The following B4GALT5 variants were observed in gnomAD, a reference collection of about 807,000 sequenced individuals.
B4GALT5 encodes the protein UDP-Gal:beta-GlcNAc beta-1,4-galactosyltransferase 5.
A neutral mutation model predicts 45.0 loss-of-function variants in B4GALT5; 11 were observed. The ratio of observed to expected loss-of-function variants is 0.24; its 90% CI spans 0.15 to 0.40. B4GALT5 has a LOEUF of 0.40. B4GALT5 is among the 10% of genes least tolerant of loss of function. The pLI is 1.00. For synonymous variants in B4GALT5, 185 were observed against 182.9 expected, an observed-to-expected ratio of 1.01 and a Z score of -0.09; for missense variants, 337 against 500.2, an observed-to-expected ratio of 0.67 and a Z score of 3.11.
intron 1 of B4GALT5, among the ~76,000 whole-genome samples, chr20:49,695,097 CTTT>C (rs763721449): frequency 9.6e-5 from 13 of 135,644 alleles, no homozygotes; most frequent in Admixed American, 2.2e-4. Flanking sequence ...TCATTAGGTT[CTTT>C]TTTTTTTTTT....
chr20:49,663,690 AATATATACATATAT>A (rs1347289152), intron 1 of B4GALT5, among the ~76,000 whole-genome samples: 23 of 96,934 alleles, frequency 2.4e-4, no homozygotes, highest in African/African-American at 8.0e-4. Context: ...AAAAAAAAAA[AATATATACATATAT>A]ATATATATAT....
chr20:49,688,224 C>T (rs1393773765), intron 1 of B4GALT5, among the ~76,000 whole-genome samples: 2 of 152,154 alleles, frequency 1.3e-5, no homozygotes, highest in Non-Finnish European at 2.9e-5. Flanking sequence ...TTTACAAAAT[C>T]CCAAAGATGC....
chr20:49,670,059 TCA>T (rs915481957), intron 1 of B4GALT5, among the ~76,000 whole-genome samples: 1 of 152,208 alleles, frequency 6.6e-6, no homozygotes, highest in Non-Finnish European at 1.5e-5. Flanking sequence ...CCAGCAGCTC[TCA>T]GTGCTGCTCT....
At position 49,642,556 on chromosome 20, in the gene B4GALT5, C is replaced by T; in HGVS notation, c.518G>A (p.Arg173His). 3 of 1,613,954 alleles carry T rather than the reference C, an allele frequency of 1.9e-6. No individual in the cohort carries two copies. The highest frequency in any genetic ancestry group is 2.5e-6 in the Non-Finnish European group (3 of 1,179,918). The part of the protein sequence containing the change: ...KVAILIPFRN[R>H]HEHLPVLFRH... Reference sequence around the variant, plus strand: ...GAACAGGACTGGGAGGTGCTCGTGGCGGTTCCGGAAGGGGATAAGGATCGC... The same window carrying T: ...GAACAGGACTGGGAGGTGCTCGTGGTGGTTCCGGAAGGGGATAAGGATCGC... The change falls in exon 5 of 9, where the codon CGC becomes CAC. Residue 173 changes from arginine (R) to histidine (H), a missense_variant. Arg to His is a conservative substitution (Grantham distance 29). This residue lies in a region of B4GALT5 where 163 missense variants were observed against 292.8 expected (regional missense o/e 0.56). Transcript: ENST00000371711.
chr20:49,657,926 T>C (rs943668860), intron 1 of B4GALT5, among the ~76,000 whole-genome samples: 4 of 152,144 alleles, frequency 2.6e-5, no homozygotes, highest in African/African-American at 9.7e-5. Flanking sequence ...GTGGGGTGGG[T>C]TAGCATAATG....
intron 1 of B4GALT5, among the ~76,000 whole-genome samples, chr20:49,705,699 C>T (rs543634407): frequency 6.6e-6 from 1 of 152,274 alleles, no homozygotes; most frequent in African/African-American, 2.4e-5. Context: ...TTCACACATG[C>T]TCAGAATCAT....
At chr20:49,671,884 T>C (rs2146344636) in intron 1 of B4GALT5, among the ~76,000 whole-genome samples, 1 of 152,286 alleles carries the variant, frequency 6.6e-6, no homozygotes, top group Middle Eastern at 3.4e-3. Context: ...TAAATTTTTG[T>C]ATGGGGTCGG....
chr20:49,646,908 T>G, intron 3 of B4GALT5, 57 bp downstream of exon 3: 1 of 1,037,272 alleles, frequency 9.6e-7, no homozygotes, highest in Non-Finnish European at 1.4e-6. Context: ...AGATCAAGAG[T>G]GCCCTCCCCT....
At chr20:49,701,801 G>T (rs531016487) in intron 1 of B4GALT5, among the ~76,000 whole-genome samples, 2 of 152,154 alleles carry the variant, frequency 1.3e-5, no homozygotes, top group Non-Finnish European at 2.9e-5. Flanking sequence ...CAGGCTAGGC[G>T]TGGTGGCTCA....
Position 49,637,391 on chromosome 20 carries a change from C to T in B4GALT5, c.969G>A (p.Lys323=). The T allele has an allele frequency of 6.2e-7, 1 of 1,614,132 alleles. No homozygotes were observed. Among genetic ancestry groups the T allele is most frequent in the Non-Finnish European group, 8.5e-7 (1 of 1,180,032 alleles). The change falls in exon 8 of 9, where the codon AAG becomes AAA. Residue 323 remains lysine, a synonymous_variant. Transcript: ENST00000371711. ...SVSRPEGDTG[K]YKSIPHHHRG... ...GATGGTGATGAGGAATGGACTTGTA[C>T]TTTCCTGTGTCACCCTCTGGCCGGC...
chr20:49,697,016 G>A (rs1600554890), intron 1 of B4GALT5, among the ~76,000 whole-genome samples: 1 of 152,276 alleles, frequency 6.6e-6, no homozygotes, highest in East Asian at 1.9e-4. Flanking sequence ...AAATTAGATC[G>A]ATGTTGTTTA....
chr20:49,712,700 A>C (rs1213413964), intron 1 of B4GALT5, among the ~76,000 whole-genome samples: 1 of 151,814 alleles, frequency 6.6e-6, no homozygotes, highest in Non-Finnish European at 1.5e-5. Flanking sequence ...CCTCAAGGCT[A>C]GGAGAGGGCA....
At chr20:49,642,281 G>C (rs2085580395) in intron 5 of B4GALT5, among the ~76,000 whole-genome samples, 187 bp downstream of exon 5, 1 of 152,292 alleles carries the variant, frequency 6.6e-6, no homozygotes, top group Non-Finnish European at 1.5e-5. Context: ...AGTGTGCCCA[G>C]TACTGGGCAA....
chr20:49,694,114 C>T (rs895032008), intron 1 of B4GALT5, among the ~76,000 whole-genome samples: 3 of 152,148 alleles, frequency 2.0e-5, no homozygotes, highest in South Asian at 4.1e-4. Flanking sequence ...CTTATGTAAA[C>T]GTACTTTTTA....
chr20:49,713,406 G>A (rs987287111), intron 1 of B4GALT5, among the ~76,000 whole-genome samples, 170 bp downstream of exon 1: 2 of 151,836 alleles, frequency 1.3e-5, no homozygotes, highest in South Asian at 2.1e-4. Flanking sequence ...TTGGGGTGCG[G>A]AGGGCAGGAA....
chr20:49,702,904 T>A (rs974250984), intron 1 of B4GALT5, among the ~76,000 whole-genome samples: 2 of 151,320 alleles, frequency 1.3e-5, no homozygotes, highest in Non-Finnish European at 2.9e-5. Flanking sequence ...CCAGGCGCGG[T>A]GGCTCACGCC....
At chr20:49,693,684 C>G (rs1293080355) in intron 1 of B4GALT5, among the ~76,000 whole-genome samples, 1 of 152,222 alleles carries the variant, frequency 6.6e-6, no homozygotes, top group African/African-American at 2.4e-5. Flanking sequence ...TTCGCCACCA[C>G]TTTTTAAGAC....
chr20:49,692,512 CCAT>C (rs1488038466), intron 1 of B4GALT5, among the ~76,000 whole-genome samples: 1 of 152,108 alleles, frequency 6.6e-6, no homozygotes, highest in African/African-American at 2.4e-5. Context: ...CTTGGTATCA[CCAT>C]ATCATCATCC....
In B4GALT5 at chr20:49,703,169, A is replaced by AG. The variant is rs2085870016; in HGVS notation, c.115+10406_115+10407insC. Among the ~76,000 whole-genome samples the AG allele has an allele frequency of 6.6e-5, 10 of 151,538 alleles. No homozygotes were observed. In the South Asian group the frequency reaches 2.1e-3, roughly 32 times the overall value. ...AGCCTGGGCGAGACTCCGTCTCAAA[A>AG]AAAAAAAAAAAAAAAAGTGATTACT... On this transcript the variant is annotated intron_variant, in intron 1 of 8. Transcript: ENST00000371711.
Sources: gnomAD v4.1 joint callset for allele counts (sites outside exome capture counted in the v4.1 genomes callset) on GRCh38, gnomAD v4.1.1 for gene constraint, gnomAD v4.1.1 regional missense constraint, MANE v1.5 for transcripts, NCBI Gene and HGNC (gene_info 2026-07-23, HGNC 2026-07-21) for gene names.